Variants in PRKG1 observed in about 807,000 individuals in gnomAD.
PRKG1 encodes protein kinase cGMP-dependent 1.
A neutral mutation model predicts 88.1 loss-of-function variants in PRKG1; 35 were observed. The observed-to-expected ratio is 0.40, with a 90% CI of 0.30 to 0.53. PRKG1 has a LOEUF of 0.53. PRKG1 is among the 20% of genes least tolerant of loss of function. The pLI is 0.59. For missense variants in PRKG1, 540 were observed against 839.8 expected, an observed-to-expected ratio of 0.64 and a Z score of 4.41; for synonymous variants, 303 against 292.5, an observed-to-expected ratio of 1.04 and a Z score of -0.37.
At chr10:51,947,173 T>A (rs1225785375) in intron 5 of PRKG1, among the ~76,000 whole-genome samples, 1 of 152,034 alleles carries the variant, frequency 6.6e-6, no homozygotes, top group Admixed American at 6.6e-5. Flanking sequence ...AATGGCAGGC[T>A]CCCCTCCCCC....
chr10:51,700,349 TATTA>T (rs1841433902), intron 3 of PRKG1, among the ~76,000 whole-genome samples: 1 of 152,208 alleles, frequency 6.6e-6, no homozygotes, highest in Admixed American at 6.5e-5. Context: ...CCGATTTCAA[TATTA>T]ATTGGTGATT....
chr10:51,839,345 C>T (rs1840210330), intron 4 of PRKG1, among the ~76,000 whole-genome samples: 1 of 152,164 alleles, frequency 6.6e-6, no homozygotes, highest in Non-Finnish European at 1.5e-5. Flanking sequence ...AGCGTAGAAG[C>T]CAACAAATAA....
At position 51,175,296 on chromosome 10, in the gene PRKG1, T is replaced by C. The variant is rs545014098; in HGVS notation, c.478+21966T>C. ...TCTTTAATTGATTTCCTCCATTCTG[T>C]GTGTGTATAAGTATATATACACACA... On this transcript the variant is annotated intron_variant, in intron 2 of 17. Transcript: ENST00000373980. Among the ~76,000 whole-genome samples the C allele has an allele frequency of 3.2e-4, 49 of 152,068 alleles. No individual in the cohort carries two copies. The South Asian group carries it at 9.5e-3, about 30-fold the overall frequency.
At chr10:51,932,537 C>A (rs533808645) in intron 5 of PRKG1, among the ~76,000 whole-genome samples, 1 of 152,228 alleles carries the variant, frequency 6.6e-6, no homozygotes, top group East Asian at 1.9e-4. Context: ...TATACTGCCA[C>A]GGCCAGGTTT....
chr10:51,020,798 G>A (rs1313055230), intron 1 of PRKG1, among the ~76,000 whole-genome samples: 1 of 152,138 alleles, frequency 6.6e-6, no homozygotes, highest in Non-Finnish European at 1.5e-5. Context: ...GTACTTCAGG[G>A]CTCTGGAGGT....
At chr10:51,093,033 C>T (rs1459721349) in intron 1 of PRKG1, among the ~76,000 whole-genome samples, 2 of 152,110 alleles carry the variant, frequency 1.3e-5, no homozygotes, top group South Asian at 2.1e-4. Context: ...AAACACACTA[C>T]GAATCGTTGT....
At chr10:52,138,766 G>T (rs1837497050) in intron 8 of PRKG1, among the ~76,000 whole-genome samples, 2 of 152,116 alleles carry the variant, frequency 1.3e-5, no homozygotes, top group South Asian at 4.1e-4. Flanking sequence ...GTAGGGCATT[G>T]CAAGTAGCAA....
At chr10:51,951,001 G>A (rs1843169976) in intron 5 of PRKG1, among the ~76,000 whole-genome samples, 2 of 152,378 alleles carry the variant, frequency 1.3e-5, no homozygotes, top group South Asian at 4.1e-4. Flanking sequence ...GTTCAGAATA[G>A]GGGAGGTGCA....
chr10:51,808,056 T>C (rs1261942532), intron 4 of PRKG1, among the ~76,000 whole-genome samples: 1 of 152,178 alleles, frequency 6.6e-6, no homozygotes, highest in Non-Finnish European at 1.5e-5. Flanking sequence ...TTCAAGGCTA[T>C]TAAGAGATGG....
intron 3 of PRKG1, among the ~76,000 whole-genome samples, chr10:51,802,411 G>A (rs1166980670): frequency 6.6e-6 from 1 of 152,080 alleles, no homozygotes; most frequent in Non-Finnish European, 1.5e-5. Context: ...AAAGTAAAAT[G>A]AAATTATTGA....
rs554878385 is a variant in PRKG1 at position 51,061,707 on chromosome 10, C to A, written c.266+70063C>A. ...ATGTAGCTACTTTATTTGGACTTAT[C>A]TTCCAGTTTACTAATTTTGTCTTCT... On this transcript the variant is annotated intron_variant, in intron 1 of 17. Coordinates refer to the PRKG1 transcript ENST00000401604. Among the ~76,000 whole-genome samples the A allele has an allele frequency of 4.6e-5, 7 of 152,182 alleles. No homozygotes were observed. The East Asian group carries it at 1.4e-3, about 29-fold the overall frequency.
At chr10:51,610,660 A>T (rs1450868827) in intron 3 of PRKG1, among the ~76,000 whole-genome samples, 1 of 152,188 alleles carries the variant, frequency 6.6e-6, no homozygotes, top group Non-Finnish European at 1.5e-5. Context: ...TGGATAAAGA[A>T]AATGTGGTAC....
chr10:51,456,164 G>A (rs529917899), intron 2 of PRKG1, among the ~76,000 whole-genome samples: 43 of 152,248 alleles, frequency 2.8e-4, no homozygotes, highest in African/African-American at 9.6e-4. Flanking sequence ...AAGTGAAAGG[G>A]GAAATCCCTT....
chr10:51,235,375 T>C (rs1838957637), intron 2 of PRKG1, among the ~76,000 whole-genome samples: 1 of 151,710 alleles, frequency 6.6e-6, no homozygotes, highest in Non-Finnish European at 1.5e-5. Flanking sequence ...TGTCAGGCAA[T>C]TTGTTCTAAA....
chr10:51,543,116 T>C (rs373784211), intron 3 of PRKG1, among the ~76,000 whole-genome samples: 5 of 152,194 alleles, frequency 3.3e-5, no homozygotes, highest in East Asian at 3.9e-4. Flanking sequence ...AGCTGTCTTG[T>C]AGGGTTATGC....
At chr10:51,193,247 A>C (rs1374743213) in intron 2 of PRKG1, among the ~76,000 whole-genome samples, 1 of 152,028 alleles carries the variant, frequency 6.6e-6, no homozygotes, top group Non-Finnish European at 1.5e-5. Flanking sequence ...AGCATAGAGT[A>C]GCTTTTATCA....
At chr10:51,308,730 C>G (rs1442459291) in intron 2 of PRKG1, among the ~76,000 whole-genome samples, 1 of 152,086 alleles carries the variant, frequency 6.6e-6, no homozygotes, top group Non-Finnish European at 1.5e-5. Flanking sequence ...TAGAATAACA[C>G]AGAGCCAATA....
intron 2 of PRKG1, among the ~76,000 whole-genome samples, chr10:51,194,431 A>G (rs977865054): frequency 6.6e-6 from 1 of 151,884 alleles, no homozygotes; most frequent in African/African-American, 2.4e-5. Flanking sequence ...ATGTTCTGCT[A>G]CCTGTGTCCA....
At chr10:51,467,119 C>T (rs374647105) in intron 2 of PRKG1, among the ~76,000 whole-genome samples, 2 of 152,126 alleles carry the variant, frequency 1.3e-5, no homozygotes, top group East Asian at 3.9e-4. Flanking sequence ...TTTTCCAAGT[C>T]CTTTATCAAA....
Sources: gnomAD v4.1 joint callset for allele counts (sites outside exome capture counted in the v4.1 genomes callset) on GRCh38, gnomAD v4.1.1 for gene constraint, MANE v1.5 for transcripts, NCBI Gene and HGNC (gene_info 2026-07-23, HGNC 2026-07-21) for gene names.